LARGE1: variants seen among roughly 807,000 people sequenced by gnomAD.
LARGE1 encodes the protein xylosyl- and glucuronyltransferase LARGE1.
LARGE1 carries 43 observed loss-of-function variants against 87.6 expected under a neutral mutation model. The observed-to-expected ratio is 0.49, with a 90% confidence interval of 0.38 to 0.63. LARGE1 has a LOEUF of 0.63. LARGE1 is among the 30% of genes least tolerant of loss of function. The probability of loss-of-function intolerance (pLI) is 0.00; values close to 1 mark genes in which losing one functional copy is unlikely to be tolerated. For missense variants in LARGE1, 802 were observed against 1,000.2 expected, an observed-to-expected ratio of 0.80 and a Z score of 2.67; for synonymous variants, 434 against 394.6, an observed-to-expected ratio of 1.10 and a Z score of -1.18.
intron 1 of LARGE1, among the ~76,000 whole-genome samples, chr22:33,763,034 T>A (rs983823105): frequency 2.0e-5 from 3 of 152,190 alleles, no homozygotes; most frequent in South Asian, 2.1e-4. Flanking sequence ...GTAACCCTTA[T>A]ACCGCCATGA....
chr22:33,817,875 C>T (rs868857070), intron 1 of LARGE1, among the ~76,000 whole-genome samples: 7 of 151,590 alleles, frequency 4.6e-5, no homozygotes, highest in African/African-American at 1.7e-4. Flanking sequence ...AATCATTATC[C>T]ACTCATGATA....
In LARGE1 at chr22:33,510,111, C is replaced by T. The variant is rs9619352; in HGVS notation, c.787+54737G>A. 7.6e-3 allele frequency among the ~76,000 whole-genome samples: 1,159 copies of T among 152,178 alleles called. 5 individuals carry two copies. The highest frequency in any genetic ancestry group is 0.012 in the Non-Finnish European group (830 of 68,026). ...GCTCATTATTCTACTTAATAAACTA[C>T]CATAAGCAAGCAATGTACTGGGAGT... On this transcript the variant is annotated intron_variant, in intron 6 of 14. Transcript: ENST00000397394.
At chr22:33,227,805 T>C (rs948505643) in intron 11 of LARGE1, among the ~76,000 whole-genome samples, 2 of 152,218 alleles carry the variant, frequency 1.3e-5, no homozygotes, top group Admixed American at 1.3e-4. Flanking sequence ...CAATTTGTCA[T>C]GGTTCTAATT....
intron 11 of LARGE1, among the ~76,000 whole-genome samples, chr22:33,249,054 A>G (rs1926898061): frequency 6.6e-6 from 1 of 152,116 alleles, no homozygotes; most frequent in Admixed American, 6.5e-5. Context: ...TAAGTTTTCA[A>G]CTCCCTTGGG....
chr22:33,328,590 A>C (rs912875181), intron 10 of LARGE1, among the ~76,000 whole-genome samples: 8 of 150,108 alleles, frequency 5.3e-5, no homozygotes. Context: ...AAATAATAAT[A>C]ATAATAATAA....
chr22:33,554,467 G>T (rs1048032075), intron 6 of LARGE1, among the ~76,000 whole-genome samples: 1 of 151,996 alleles, frequency 6.6e-6, no homozygotes, highest in Non-Finnish European at 1.5e-5. Context: ...CCCTGGCCCC[G>T]ACCCTTCTTG....
At chr22:33,355,586 G>C (rs1341818531) in intron 9 of LARGE1, among the ~76,000 whole-genome samples, 1 of 152,194 alleles carries the variant, frequency 6.6e-6, no homozygotes, top group African/African-American at 2.4e-5. Flanking sequence ...TCACGGCCAA[G>C]TTATGAACCC....
intron 1 of LARGE1, among the ~76,000 whole-genome samples, chr22:33,903,064 G>A (rs561632545): frequency 1.6e-4 from 25 of 152,234 alleles, no homozygotes; most frequent in South Asian, 8.3e-4. Context: ...CCCGGGAGGC[G>A]GAGGTTGCAC....
At chr22:33,495,353 G>A (rs1375895726) in intron 6 of LARGE1, among the ~76,000 whole-genome samples, 3 of 152,148 alleles carry the variant, frequency 2.0e-5, no homozygotes, top group African/African-American at 4.8e-5. Flanking sequence ...TGCCTTGGTC[G>A]CCTTATGCAG....
intron 6 of LARGE1, among the ~76,000 whole-genome samples, chr22:33,444,720 T>C (rs553995759): frequency 6.6e-6 from 1 of 152,338 alleles, no homozygotes; most frequent in East Asian, 1.9e-4. Context: ...GTCAACATCA[T>C]GAGATAAGTT....
In LARGE1 at chr22:33,283,191, G is replaced by C. The variant is rs757144344; in HGVS notation, c.1877+11C>G. The C allele has an allele frequency of 5.0e-6, 8 of 1,613,962 alleles. No individual in the cohort carries two copies. Among genetic ancestry groups the C allele is most frequent in the East Asian group, 2.2e-5 (1 of 44,882 alleles). Reference sequence around the variant, plus strand: ...GAGCACCCCCAGAGTACAGCAGCTAGAGCCACTCACCTGAATGTGAAGAGG... The same window carrying C: ...GAGCACCCCCAGAGTACAGCAGCTACAGCCACTCACCTGAATGTGAAGAGG... On this transcript the variant is annotated intron_variant, in intron 13 of 14. Coordinates refer to ENST00000397394, the MANE Select transcript of LARGE1 (RefSeq NM_133642.5).
chr22:33,704,383 C>T (rs2082496405), intron 2 of LARGE1, among the ~76,000 whole-genome samples: 1 of 152,200 alleles, frequency 6.6e-6, no homozygotes, highest in Admixed American at 6.5e-5. Context: ...CTACAAAGAC[C>T]TCGTTCAAAT....
At chr22:33,327,915 T>TTA (rs1432132601) in intron 10 of LARGE1, among the ~76,000 whole-genome samples, 58 of 152,288 alleles carry the variant, frequency 3.8e-4, no homozygotes, top group African/African-American at 1.2e-3. Flanking sequence ...AAAGGACTTG[T>TTA]TATAGTTCAT....
chr22:33,806,992 C>T (rs1240308502), intron 1 of LARGE1, among the ~76,000 whole-genome samples: 1 of 149,052 alleles, frequency 6.7e-6, no homozygotes, highest in Non-Finnish European at 1.5e-5. Flanking sequence ...CCGGGCGACA[C>T]AGTGAGACTC....
chr22:33,363,819 A>G (rs1420517098), intron 9 of LARGE1, among the ~76,000 whole-genome samples: 4 of 149,752 alleles, frequency 2.7e-5, no homozygotes, highest in Non-Finnish European at 4.5e-5. Context: ...CAGAGAGTCA[A>G]TCTGATAACT....
In LARGE1 at chr22:33,640,318, T is replaced by C. The variant is rs1458010793; in HGVS notation, c.408+10049A>G. 3.9e-5 allele frequency among the ~76,000 whole-genome samples: 6 copies of C among 152,088 alleles called. No individual in the cohort carries two copies. In the East Asian group the frequency reaches 9.6e-4, roughly 24 times the overall value. On this transcript the variant is annotated intron_variant, in intron 3 of 14. Transcript: ENST00000397394. ...AATATGACTGTAGCAGGCCAAGACT[T>C]TTAAGTGCATCTATTGGAGGTTCTG...
At chr22:33,589,107 A>G (rs2078761726) in intron 5 of LARGE1, among the ~76,000 whole-genome samples, 1 of 152,226 alleles carries the variant, frequency 6.6e-6, no homozygotes, top group South Asian at 2.1e-4. Context: ...AATTTCCCAT[A>G]GAGTTCAACT....
At chr22:33,603,890 A>G (rs2079176021) in intron 5 of LARGE1, among the ~76,000 whole-genome samples, 1 of 152,194 alleles carries the variant, frequency 6.6e-6, no homozygotes, top group Non-Finnish European at 1.5e-5. Flanking sequence ...CCAGCCTGAC[A>G]TAACCTTTAA....
intron 1 of LARGE1, among the ~76,000 whole-genome samples, chr22:33,905,262 T>A (rs576090099): frequency 6.6e-6 from 1 of 151,676 alleles, no homozygotes; most frequent in African/African-American, 2.4e-5. Context: ...ACAGATGGGG[T>A]TTCACTACGT....
Sources: gnomAD v4.1 joint callset for allele counts (sites outside exome capture counted in the v4.1 genomes callset) on GRCh38, gnomAD v4.1.1 for gene constraint, MANE v1.5 for transcripts, NCBI Gene and HGNC (gene_info 2026-07-23, HGNC 2026-07-21) for gene names.